Variants in CDK19 observed in about 807,000 individuals in gnomAD.
CDK19 encodes the protein cyclin dependent kinase 19, also known as cyclin-dependent kinase 19.
In CDK19, 20 loss-of-function variants were observed where a neutral mutation model predicts 68.3. The ratio of observed to expected loss-of-function variants is 0.29; its 90% confidence interval spans 0.21 to 0.43. The LOEUF (loss-of-function observed/expected upper bound fraction) is 0.43. CDK19 is among the 20% of genes least tolerant of loss of function. CDK19 has a pLI of 1.00. For synonymous variants in CDK19, 221 were observed against 222.8 expected (o/e 0.99, Z 0.07); for missense variants, 339 against 623.5 (o/e 0.54, Z 4.86).
intron 2 of CDK19, among the ~76,000 whole-genome samples, chr6:110,723,618 T>A (rs906887279): frequency 1.3e-5 from 2 of 152,142 alleles, no homozygotes; most frequent in African/African-American, 4.8e-5. Flanking sequence ...ACATACGGAT[T>A]TTCTCTTGTG....
At position 110,815,237 on chromosome 6, in the gene CDK19, CCT is replaced by C. The variant is rs1428961706; in HGVS notation, c.-103_-102del. The C allele has an allele frequency of 3.1e-5, 40 of 1,286,142 alleles. No individual in the cohort carries two copies. The highest frequency in any genetic ancestry group is 1.6e-4 in the African/African-American group (10 of 63,696). 79.7% of individuals were successfully genotyped at this position (1,286,142 alleles called of 1,614,324 possible). On this transcript the variant is annotated 5_prime_UTR_variant, in exon 1 of 13. Transcript: ENST00000368911. Reference sequence around the variant, plus strand: ...CGCCGCTCCACTTCTCCAACAGCCGCCTCTCGCGCGCGCGCGCGCGCCGCCCG... The same window carrying C: ...CGCCGCTCCACTTCTCCAACAGCCGCCTCGCGCGCGCGCGCGCGCCGCCCG...
chr6:110,806,434 A>G (rs1782690500), intron 1 of CDK19, among the ~76,000 whole-genome samples: 1 of 152,136 alleles, frequency 6.6e-6, no homozygotes, highest in African/African-American at 2.4e-5. Context: ...TCTATCTTAT[A>G]CATCACCATA....
At chr6:110,765,647 C>G (rs1432591912) in intron 1 of CDK19, among the ~76,000 whole-genome samples, 1 of 149,172 alleles carries the variant, frequency 6.7e-6, no homozygotes, top group Non-Finnish European at 1.5e-5. Flanking sequence ...CACCACTGCA[C>G]TCCAGCCTGG....
intron 2 of CDK19, among the ~76,000 whole-genome samples, chr6:110,707,789 T>A (rs879756668): frequency 7.9e-5 from 12 of 152,080 alleles, no homozygotes; most frequent in Non-Finnish European, 1.8e-4. Context: ...TTGGCCAACA[T>A]GGTGAAACCC....
chr6:110,657,360 G>A (rs1459501657), intron 4 of CDK19, among the ~76,000 whole-genome samples: 1 of 152,124 alleles, frequency 6.6e-6, no homozygotes, highest in East Asian at 1.9e-4. Flanking sequence ...TAATCTCTTG[G>A]TAAAATGAAT....
At chr6:110,712,677 G>A (rs1450686187) in intron 2 of CDK19, among the ~76,000 whole-genome samples, 2 of 152,156 alleles carry the variant, frequency 1.3e-5, no homozygotes, top group African/African-American at 4.8e-5. Context: ...AAGATCTAGG[G>A]AAGCCAGCAG....
At position 110,682,691 on chromosome 6, in the gene CDK19, G is replaced by A. The variant is rs150214040; in HGVS notation, c.205-12150C>T. On this transcript the variant is annotated intron_variant, in intron 2 of 12. Coordinates refer to ENST00000368911, the MANE Select transcript of CDK19 (RefSeq NM_015076.5). ...TTTGCCACCCAGTTGAAATGACAGT[G>A]AGGCAGTAAGTAAAATGCAAAAAAT... Among the ~76,000 whole-genome samples, 24 of 152,292 alleles carry A rather than the reference G, an allele frequency of 1.6e-4. No individual in the cohort carries two copies. The East Asian group carries it at 2.9e-3, about 18-fold the overall frequency.
intron 4 of CDK19, among the ~76,000 whole-genome samples, chr6:110,655,365 C>CAA (rs1015045212): frequency 7.4e-6 from 1 of 135,690 alleles, no homozygotes; most frequent in African/African-American, 2.7e-5. Context: ...GACTCCATCT[C>CAA]AAAAAAAAAA....
intron 1 of CDK19, among the ~76,000 whole-genome samples, chr6:110,812,124 C>CT (rs72281030): frequency 0.017 from 2,400 of 145,352 alleles, 25 homozygotes; most frequent in South Asian, 0.025. Flanking sequence ...GAACAAATAA[C>CT]TTTTTTTTTT....
At chr6:110,796,646 C>CAAAT (rs746414334) in intron 1 of CDK19, among the ~76,000 whole-genome samples, 63 of 151,766 alleles carry the variant, frequency 4.2e-4, no homozygotes, top group Non-Finnish European at 7.5e-4. Flanking sequence ...GAGACCATTT[C>CAAAT]AAATAAATAA....
chr6:110,785,087 A>G (rs1017610809), intron 1 of CDK19, among the ~76,000 whole-genome samples: 1 of 151,796 alleles, frequency 6.6e-6, no homozygotes. Context: ...AAAAAAAAAA[A>G]AAAAAAAGCC....
At chr6:110,685,179 C>A (rs1298852347) in intron 2 of CDK19, among the ~76,000 whole-genome samples, 1 of 152,138 alleles carries the variant, frequency 6.6e-6, no homozygotes, top group Non-Finnish European at 1.5e-5. Flanking sequence ...TGTTCACTCA[C>A]CAAGTGCTAC....
chr6:110,626,953 A>AT (rs778084581), intron 7 of CDK19, 49 bp downstream of exon 7: 26 of 1,530,574 alleles, frequency 1.7e-5, no homozygotes, highest in Non-Finnish European at 2.3e-5. Flanking sequence ...AGAAGAAATG[A>AT]TTTTGAAATA....
intron 2 of CDK19, among the ~76,000 whole-genome samples, chr6:110,719,454 A>AT (rs960358968): frequency 6.6e-6 from 1 of 152,124 alleles, no homozygotes; most frequent in African/African-American, 2.4e-5. Context: ...AGCATGGGAG[A>AT]TGGAAGCTGC....
At chr6:110,814,956 C>T in intron 1 of CDK19, 53 bp downstream of exon 1, 1 of 1,594,062 alleles carries the variant, frequency 6.3e-7, no homozygotes, top group Non-Finnish European at 8.5e-7. Flanking sequence ...CCCGCCAGGT[C>T]GCGGGCAGGG....
chr6:110,694,553 G>A (rs2691186), intron 2 of CDK19, among the ~76,000 whole-genome samples: 100,546 of 151,978 alleles, frequency 0.66, 35,032 homozygotes, highest in East Asian at 0.98. Context: ...TGGCAACACA[G>A]TAATAGTGGG....
At chr6:110,740,621 C>A (rs1167110290) in intron 2 of CDK19, among the ~76,000 whole-genome samples, 2 of 152,154 alleles carry the variant, frequency 1.3e-5, no homozygotes. Flanking sequence ...CTTATTTTCC[C>A]AGCATCCCAC....
chr6:110,789,158 AAC>A (rs1781432976), intron 1 of CDK19, among the ~76,000 whole-genome samples: 1 of 152,264 alleles, frequency 6.6e-6, no homozygotes, highest in Non-Finnish European at 1.5e-5. Flanking sequence ...CAGTATGTAC[AAC>A]AGTGAATTTT....
intron 1 of CDK19, among the ~76,000 whole-genome samples, chr6:110,767,210 G>T (rs1326761696): frequency 2.6e-5 from 4 of 151,958 alleles, no homozygotes; most frequent in African/African-American, 9.7e-5. Flanking sequence ...GTGGTTACCA[G>T]AGGTTGGGAA....
Sources: gnomAD v4.1 joint callset for allele counts (sites outside exome capture counted in the v4.1 genomes callset) on GRCh38, gnomAD v4.1.1 for gene constraint, MANE v1.5 for transcripts, NCBI Gene and HGNC (gene_info 2026-07-23, HGNC 2026-07-21) for gene names.